The following GNA12 variants were observed in gnomAD, a reference collection of about 807,000 sequenced individuals.
The protein encoded by GNA12 is G protein subunit alpha 12, also known as guanine nucleotide-binding protein subunit alpha-12.
GNA12 carries 9 observed loss-of-function variants against 26.0 expected under a neutral mutation model. The ratio of observed to expected loss-of-function variants is 0.35; its 90% CI spans 0.21 to 0.60. The LOEUF is 0.60. Ranked by LOEUF, GNA12 falls within the 20% of genes least tolerant of loss-of-function variation. The probability of loss-of-function intolerance (pLI) is 0.78; values close to 1 mark genes in which losing one functional copy is unlikely to be tolerated. For synonymous variants in GNA12, 264 were observed against 219.6 expected (o/e 1.20, Z -1.79); for missense variants, 405 against 525.8 (o/e 0.77, Z 2.25).
intron 2 of GNA12, among the ~76,000 whole-genome samples, chr7:2,792,346 C>A (rs543796334): frequency 6.6e-6 from 1 of 152,306 alleles, no homozygotes; most frequent in Non-Finnish European, 1.5e-5. Flanking sequence ...ATAACTGGTA[C>A]GGGCTTACTT....
rs991452425 is a variant in GNA12, at chr7:2,733,561, A to C, written c.526-60T>G. The C allele has an allele frequency of 3.0e-6, 4 of 1,334,336 alleles. No homozygotes were observed. In the African/African-American group the frequency reaches 4.3e-5, roughly 14 times the overall value. 82.7% of individuals were successfully genotyped at this position (1,334,336 alleles called of 1,614,324 possible). On this transcript the variant is annotated intron_variant, in intron 2 of 3. Transcript: ENST00000275364. ...GGACTGAGGAATCCTGATGTGGCAA[A>C]TACAAGAACTGAACAGGGTAAGAGC...
intron 2 of GNA12, among the ~76,000 whole-genome samples, chr7:2,758,018 T>C (rs1791384959): frequency 6.6e-6 from 1 of 152,174 alleles, no homozygotes; most frequent in Non-Finnish European, 1.5e-5. Context: ...ACAGACCTAA[T>C]AAATGTCTGG....
intron 2 of GNA12, among the ~76,000 whole-genome samples, chr7:2,746,533 AT>A (rs558205060): frequency 0.023 from 3,572 of 152,182 alleles, 95 homozygotes; most frequent in Middle Eastern, 0.075. Flanking sequence ...GTAGAGGGAA[AT>A]TTATAGCACT....
intron 2 of GNA12, among the ~76,000 whole-genome samples, chr7:2,790,432 C>T (rs1213406814): frequency 1.3e-5 from 2 of 152,142 alleles, no homozygotes; most frequent in African/African-American, 2.4e-5. Context: ...ATATTTCTTA[C>T]CACATTTATA....
intron 1 of GNA12, among the ~76,000 whole-genome samples, chr7:2,796,876 C>A (rs1307028585): frequency 6.6e-6 from 1 of 152,198 alleles, no homozygotes; most frequent in Non-Finnish European, 1.5e-5. Flanking sequence ...GTCTGTTCCA[C>A]CATCCTTAGA....
chr7:2,757,914 T>A (rs1791379438), intron 2 of GNA12, among the ~76,000 whole-genome samples: 1 of 152,222 alleles, frequency 6.6e-6, no homozygotes, highest in Admixed American at 6.5e-5. Context: ...CTGACTCCTG[T>A]TCGCTGTCCC....
At chr7:2,770,110 C>T (rs1461929308) in intron 2 of GNA12, among the ~76,000 whole-genome samples, 1 of 152,102 alleles carries the variant, frequency 6.6e-6, no homozygotes, top group Non-Finnish European at 1.5e-5. Context: ...AATATATCCT[C>T]AACATTATTC....
chr7:2,841,421 C>G (rs552969392), intron 1 of GNA12, among the ~76,000 whole-genome samples: 1 of 152,246 alleles, frequency 6.6e-6, no homozygotes, highest in Admixed American at 6.5e-5. Flanking sequence ...TCTGGGCAAG[C>G]AGCAACAATA....
intron 1 of GNA12, among the ~76,000 whole-genome samples, chr7:2,824,450 G>A (rs1331835338): frequency 6.6e-5 from 10 of 152,076 alleles, no homozygotes; most frequent in East Asian, 1.9e-4. Flanking sequence ...CTCTGCAGGC[G>A]GCTCCCTGCC....
intron 2 of GNA12, chr7:2,765,238 C>G (rs1791754432): frequency 6.6e-6 from 1 of 151,910 alleles, no homozygotes; most frequent in African/African-American, 2.4e-5. Flanking sequence ...AGCTCCGCCT[C>G]CCGGGTTCAC....
chr7:2,777,489 G>A (rs1792107136), intron 2 of GNA12, among the ~76,000 whole-genome samples: 1 of 152,238 alleles, frequency 6.6e-6, no homozygotes, highest in African/African-American at 2.4e-5. Flanking sequence ...CTAATTCCCA[G>A]TGGGATGGTA....
At chr7:2,778,557 C>T (rs1328140622) in intron 2 of GNA12, among the ~76,000 whole-genome samples, 1 of 152,222 alleles carries the variant, frequency 6.6e-6, no homozygotes, top group Admixed American at 6.5e-5. Flanking sequence ...GCCCCTACTT[C>T]AGGAGTTCAG....
rs376039177 is a variant in GNA12, at chr7:2,731,132, G to A, written c.*49C>T. The A allele has an allele frequency of 7.0e-5, 91 of 1,295,988 alleles. No homozygotes were observed. The highest frequency in any genetic ancestry group is 8.7e-5 in the Non-Finnish European group (80 of 915,310). 80.3% of individuals were successfully genotyped at this position (1,295,988 alleles called of 1,614,324 possible). On this transcript the variant is annotated 3_prime_UTR_variant, in exon 4 of 4. Coordinates refer to ENST00000275364, the MANE Select transcript of GNA12 (RefSeq NM_007353.3). The surrounding 1 kb of genome is among the most constrained non-coding windows in gnomAD (Gnocchi z 6.0). Reference sequence around the variant, plus strand: ...ACAACACACACCCAAGAGTCTGACCGACAGCCGTGGGGGCTGCTCAACGAC... The same window carrying A: ...ACAACACACACCCAAGAGTCTGACCAACAGCCGTGGGGGCTGCTCAACGAC...
At chr7:2,824,781 A>G (rs1793446285) in intron 1 of GNA12, among the ~76,000 whole-genome samples, 1 of 152,204 alleles carries the variant, frequency 6.6e-6, no homozygotes, top group Admixed American at 6.5e-5. Context: ...TCAAACCGCA[A>G]TAAAAAAATC....
intron 2 of GNA12, among the ~76,000 whole-genome samples, chr7:2,740,157 C>T (rs909843202): frequency 4.6e-5 from 7 of 152,008 alleles, no homozygotes; most frequent in African/African-American, 4.8e-5. Flanking sequence ...AATGGCACTC[C>T]AGTGTGATCT....
At chr7:2,739,955 G>C (rs1790415427) in intron 2 of GNA12, among the ~76,000 whole-genome samples, 1 of 152,204 alleles carries the variant, frequency 6.6e-6, no homozygotes, top group South Asian at 2.1e-4. Context: ...TTACAGGTGT[G>C]AGTCACTGTG....
chr7:2,806,836 C>T (rs1362743339), intron 1 of GNA12, among the ~76,000 whole-genome samples: 4 of 152,072 alleles, frequency 2.6e-5, no homozygotes, highest in African/African-American at 7.2e-5. Flanking sequence ...GAATAAACAA[C>T]GATGCAAGGA....
At chr7:2,834,561 G>C (rs1778774254) in intron 1 of GNA12, among the ~76,000 whole-genome samples, 1 of 152,106 alleles carries the variant, frequency 6.6e-6, no homozygotes, top group Non-Finnish European at 1.5e-5. Flanking sequence ...TGATCTTTTT[G>C]TTTCAGTGGC....
intron 2 of GNA12, among the ~76,000 whole-genome samples, chr7:2,765,768 C>G (rs538345971): frequency 3.3e-5 from 5 of 152,116 alleles, no homozygotes; most frequent in African/African-American, 1.2e-4. Context: ...GTAGCTGGGA[C>G]TATAGGCGTG....
Sources: allele counts gnomAD v4.1 joint callset (sites outside exome capture counted in the v4.1 genomes callset), GRCh38; gene constraint gnomAD v4.1.1; non-coding constraint Gnocchi (gnomAD v3.1); transcripts MANE v1.5; gene names NCBI Gene and HGNC (gene_info 2026-07-23, HGNC 2026-07-21).